The following AGAP1 variants were observed in gnomAD, a reference collection of about 807,000 sequenced individuals.
The protein encoded by AGAP1 is ArfGAP with GTPase domain, ankyrin repeat and PH domain 1.
AGAP1 carries 29 observed loss-of-function variants against 105.3 expected under a neutral mutation model. The observed-to-expected ratio is 0.28, with a 90% CI of 0.21 to 0.38. The LOEUF (loss-of-function observed/expected upper bound fraction) is 0.38, where lower values mean the gene tolerates loss of function less well. Among genes scored for constraint, AGAP1 ranks in the 10% least tolerant of loss-of-function variants. The pLI is 1.00. For synonymous variants in AGAP1, 509 were observed against 485.9 expected (o/e 1.05, Z -0.63); for missense variants, 998 against 1,165.1 (o/e 0.86, Z 2.09).
At chr2:235,746,146 A>G (rs952618281) in intron 5 of AGAP1, among the ~76,000 whole-genome samples, 6 of 151,826 alleles carry the variant, frequency 4.0e-5, no homozygotes, top group Admixed American at 2.6e-4. Flanking sequence ...AAAGCCGGGC[A>G]TGTTGGCGGG....
Position 235,523,526 on chromosome 2 carries a change from C to T in AGAP1, c.163+28677C>T, listed in dbSNP as rs1942704765. Among the ~76,000 whole-genome samples the T allele has an allele frequency of 2.0e-5, 3 of 152,182 alleles. No homozygotes were observed. The South Asian group carries it at 6.2e-4, about 31-fold the overall frequency. On this transcript the variant is annotated intron_variant, in intron 1 of 17. Transcript: ENST00000304032. Reference sequence around the variant, plus strand: ...AGGGTCAGCTGCTTGGTGCAGGTTCCTGTGCCCATGTCATGGTACGTGCTG... The same window carrying T: ...AGGGTCAGCTGCTTGGTGCAGGTTCTTGTGCCCATGTCATGGTACGTGCTG...
At chr2:235,802,094 G>A (rs1480731112) in intron 8 of AGAP1, among the ~76,000 whole-genome samples, 1 of 152,090 alleles carries the variant, frequency 6.6e-6, no homozygotes, top group Admixed American at 6.5e-5. Flanking sequence ...CTTAACATCT[G>A]CTCTGTGCAC....
chr2:235,848,242 C>T (rs1288210782), intron 9 of AGAP1, among the ~76,000 whole-genome samples: 1 of 152,220 alleles, frequency 6.6e-6, no homozygotes, highest in African/African-American at 2.4e-5. Context: ...CTAGCTTTCA[C>T]TAAACTGCAT....
rs769128124 is a variant in AGAP1, at chr2:235,610,453, T to G, written c.164-98726T>G. Among the ~76,000 whole-genome samples the G allele has an allele frequency of 2.0e-5, 3 of 152,156 alleles. No homozygotes were observed. The highest frequency in any genetic ancestry group is 4.4e-5 in the Non-Finnish European group (3 of 68,030). ...ACTCTGGAGAGACTCTTGTCCTGAC[T>G]TCTAGATGTCTGCCTTCTTGCTATC... On this transcript the variant is annotated intron_variant, in intron 1 of 17. Coordinates refer to ENST00000304032, the MANE Select transcript of AGAP1 (RefSeq NM_001037131.3). The surrounding 1 kb of genome is among the most constrained non-coding windows in gnomAD (Gnocchi z 4.9).
At chr2:235,767,675 C>G (rs2696389) in intron 6 of AGAP1, among the ~76,000 whole-genome samples, 35,589 of 151,732 alleles carry the variant, frequency 0.23, 4,877 homozygotes, top group Admixed American at 0.39. Flanking sequence ...GGATTAGCAG[C>G]TGCTGTGTTC....
rs1476784277 is a variant in AGAP1, at chr2:235,494,139, A to C, written c.-548A>C. On this transcript the variant is annotated 5_prime_UTR_variant, in exon 1 of 18. Coordinates refer to ENST00000304032, the MANE Select transcript of AGAP1 (RefSeq NM_001037131.3). The stretch of plus-strand genomic sequence containing the variant: ...TGCAAGGCGCCTGCGACTCGGTCCC[A>C]GGTCGGCGGGCGGCGCACGGCGGGC... 7.0e-6 allele frequency: 1 copy of C among 142,778 alleles called. No homozygotes were observed. The highest frequency in any genetic ancestry group is 1.6e-5 in the Non-Finnish European group (1 of 64,480). The allele number at this position is 142,778 out of a possible 1,614,324, so 8.8% of individuals were successfully genotyped here.
chr2:236,016,597 G>T (rs2056712190), intron 13 of AGAP1, among the ~76,000 whole-genome samples: 1 of 152,248 alleles, frequency 6.6e-6, no homozygotes, highest in South Asian at 2.1e-4. Flanking sequence ...GGTGACACGG[G>T]ACCCAGTAGA....
intron 16 of AGAP1, among the ~76,000 whole-genome samples, chr2:236,112,519 T>A (rs2059674881): frequency 6.6e-6 from 1 of 152,168 alleles, no homozygotes; most frequent in South Asian, 2.1e-4. Context: ...CCCCGTTCCC[T>A]CCCTCCTGAT....
chr2:236,112,003 C>T (rs1482363858), intron 16 of AGAP1, among the ~76,000 whole-genome samples: 1 of 152,182 alleles, frequency 6.6e-6, no homozygotes, highest in Non-Finnish European at 1.5e-5. Context: ...GTGACGGCTC[C>T]CACGTGGTCT....
At chr2:236,116,863 T>C (rs1231317028) in intron 16 of AGAP1, among the ~76,000 whole-genome samples, 7 of 152,154 alleles carry the variant, frequency 4.6e-5, no homozygotes. Context: ...GGCTTTCCAT[T>C]CTTGAGTTAC....
intron 5 of AGAP1, among the ~76,000 whole-genome samples, chr2:235,746,240 C>A (rs547556441): frequency 2.0e-5 from 3 of 151,140 alleles, no homozygotes; most frequent in African/African-American, 7.3e-5. Flanking sequence ...GAGCCAAGAT[C>A]GTGCCACTGC....
chr2:235,498,437 G>A (rs531041895), intron 1 of AGAP1, among the ~76,000 whole-genome samples: 1 of 152,226 alleles, frequency 6.6e-6, no homozygotes, highest in African/African-American at 2.4e-5. Flanking sequence ...CAGCTGTGTC[G>A]TCTCTGGAGC....
In AGAP1 at chr2:235,494,565, C is replaced by T; in HGVS notation, c.-122C>T. The T allele has an allele frequency of 5.4e-6, 1 of 183,912 alleles. No individual in the cohort carries two copies. Among genetic ancestry groups the T allele is most frequent in the Non-Finnish European group, 9.7e-6 (1 of 102,640 alleles). 11.4% of individuals were successfully genotyped at this position (183,912 alleles called of 1,614,324 possible). Reference sequence around the variant, plus strand: ...CGCCTTTCTTCTCGCGCCTCCTCCGCCCGCCGCCGGCGGGCCCGGCTCCCC... The same window carrying T: ...CGCCTTTCTTCTCGCGCCTCCTCCGTCCGCCGCCGGCGGGCCCGGCTCCCC... On this transcript the variant is annotated 5_prime_UTR_variant, in exon 1 of 18. Transcript: ENST00000304032.
chr2:235,825,742 G>T (rs1025249746), intron 9 of AGAP1, among the ~76,000 whole-genome samples: 5 of 152,166 alleles, frequency 3.3e-5, no homozygotes, highest in African/African-American at 1.2e-4. Flanking sequence ...TGTTTAATTT[G>T]AAATGTTAAA....
chr2:235,783,411 T>G (rs1274058998), intron 6 of AGAP1: 1 of 470,812 alleles, frequency 2.1e-6, no homozygotes. Context: ...GATAATCAGG[T>G]GTTGCTTTCT....
rs2059879963 is a variant in AGAP1, at chr2:236,120,785, C to T, written c.2370+338C>T. On this transcript the variant is annotated intron_variant, in intron 17 of 17. Transcript: ENST00000304032. This position sits in a 1 kb window ranked among gnomAD's most constrained non-coding sequence, Gnocchi z 6.0. ...CTTGTAGGGTTTCCCCATTTCCAAA[C>T]CTTTGGTGTTTTTATTCACTTAACA... 6.6e-6 allele frequency among the ~76,000 whole-genome samples: 1 copy of T among 152,138 alleles called. No homozygotes were observed. The highest frequency in any genetic ancestry group is 2.4e-5 in the African/African-American group (1 of 41,424).
chr2:235,646,500 G>T (rs1227012816), intron 1 of AGAP1, among the ~76,000 whole-genome samples: 3 of 152,172 alleles, frequency 2.0e-5, no homozygotes, highest in Non-Finnish European at 2.9e-5. Flanking sequence ...ACGTCAGCTT[G>T]CAGCCTTGTG....
chr2:235,750,506 G>C lies in AGAP1; in HGVS notation c.673+18G>C, dbSNP rs1166644600. On this transcript the variant is annotated intron_variant, in intron 6 of 17. Coordinates refer to ENST00000304032, the MANE Select transcript of AGAP1 (RefSeq NM_001037131.3). This position sits in a 1 kb window ranked among gnomAD's most constrained non-coding sequence, Gnocchi z 5.3. Reference sequence around the variant, plus strand: ...CCAGGACGGTAAATGCGCGTGGCTGGGAGTTTAATTTCAGTTCATGATAGA... The same window carrying C: ...CCAGGACGGTAAATGCGCGTGGCTGCGAGTTTAATTTCAGTTCATGATAGA... The C allele has an allele frequency of 6.2e-7, 1 of 1,613,910 alleles. No individual in the cohort carries two copies. The highest frequency in any genetic ancestry group is 1.3e-5 in the African/African-American group (1 of 74,922).
chr2:236,016,153 T>C (rs1230276495), intron 13 of AGAP1, among the ~76,000 whole-genome samples: 1 of 152,190 alleles, frequency 6.6e-6, no homozygotes, highest in Non-Finnish European at 1.5e-5. Context: ...TGTTGTCTGT[T>C]AAGATACCAG....
Sources: gnomAD v4.1 joint callset for allele counts (sites outside exome capture counted in the v4.1 genomes callset) on GRCh38, gnomAD v4.1.1 for gene constraint, Gnocchi (gnomAD v3.1) non-coding constraint, MANE v1.5 for transcripts, NCBI Gene and HGNC (gene_info 2026-07-23, HGNC 2026-07-21) for gene names.